CTBP1: variants seen among roughly 807,000 people sequenced by gnomAD.
The protein encoded by CTBP1 is C-terminal binding protein 1.
In CTBP1, 11 loss-of-function variants were observed where a neutral mutation model predicts 42.1. The ratio of observed to expected loss-of-function variants is 0.26; its 90% CI spans 0.16 to 0.43. CTBP1 has a LOEUF of 0.43. Ranked by LOEUF, CTBP1 falls within the 20% of genes least tolerant of loss-of-function variation. The probability of loss-of-function intolerance (pLI) is 1.00; values close to 1 mark genes in which losing one functional copy is unlikely to be tolerated. For synonymous variants in CTBP1, 324 were observed against 277.1 expected (o/e 1.17, Z -1.68); for missense variants, 399 against 624.3 (o/e 0.64, Z 3.85).
At chr4:1,217,750 T>G (rs1365515528) in intron 5 of CTBP1, 2 of 152,218 alleles carry the variant, frequency 1.3e-5, no homozygotes, top group Non-Finnish European at 2.9e-5. Context: ...GATAAGAAAT[T>G]ATGATGATGC....
chr4:1,228,532 C>G (rs1478521498), intron 3 of CTBP1, among the ~76,000 whole-genome samples, 189 bp from the exon 4 acceptor site: 1 of 152,244 alleles, frequency 6.6e-6, no homozygotes, highest in Admixed American at 6.5e-5. Context: ...AACCTCTGCC[C>G]AGGCGTCCTG....
intron 1 of CTBP1, chr4:1,242,553 C>T (rs77001529): frequency 0.056 from 54,778 of 985,410 alleles, 1,698 homozygotes; most frequent in Middle Eastern, 0.082. Flanking sequence ...GCATACATGC[C>T]GACCATCTCC....
chr4:1,225,252 A>AC, intron 5 of CTBP1, 108 bp downstream of exon 5: 1 of 1,317,508 alleles, frequency 7.6e-7, no homozygotes, highest in Non-Finnish European at 1.0e-6. Context: ...TGGGACCGAC[A>AC]CCTGCAGCAG....
upstream of CTBP1, chr4:1,250,098 T>G: frequency 6.1e-6 from 1 of 163,378 alleles, no homozygotes; most frequent in Non-Finnish European, 1.4e-5. Flanking sequence ...CCGAGATAGT[T>G]GCATAATTTC....
chr4:1,249,696 T>C (rs2108819103), upstream of CTBP1: 1 of 407,236 alleles, frequency 2.5e-6, no homozygotes, highest in Non-Finnish European at 4.9e-6. Flanking sequence ...GAAGCGCGCC[T>C]GCCCCAGTGC....
chr4:1,240,213 C>T (rs1347612135), intron 2 of CTBP1, among the ~76,000 whole-genome samples: 1 of 139,576 alleles, frequency 7.2e-6, no homozygotes, highest in East Asian at 2.2e-4. Context: ...GAGTGGGAAC[C>T]GGGTCCCTCG....
chr4:1,225,603 G>C (rs918252927), intron 4 of CTBP1, 37 bp from the exon 5 acceptor site: 1 of 1,521,544 alleles, frequency 6.6e-7, no homozygotes, highest in African/African-American at 1.4e-5. Context: ...CCCCCGGGCC[G>C]GGCCCAGCCT....
chr4:1,239,965 G>A (rs1252116322), intron 2 of CTBP1, among the ~76,000 whole-genome samples: 3 of 152,262 alleles, frequency 2.0e-5, no homozygotes, highest in African/African-American at 7.2e-5. Context: ...TCCCCGCTGT[G>A]TGTGGTGGTG....
intron 7 of CTBP1, chr4:1,214,002 T>C (rs1054101542): frequency 4.9e-6 from 2 of 409,488 alleles, no homozygotes; most frequent in South Asian, 7.6e-5. Context: ...CAAGGTGCTG[T>C]AGGGGCTGCA....
At chr4:1,216,352 G>A (rs1208740591) in intron 5 of CTBP1, 147 bp from the exon 6 acceptor site, 15 of 780,706 alleles carry the variant, frequency 1.9e-5, no homozygotes, top group Admixed American at 1.6e-4. Context: ...AGGTGCCCAC[G>A]CACGCTCCAC....
intron 5 of CTBP1, 39 bp from the exon 6 acceptor site, chr4:1,216,244 C>T: frequency 1.3e-6 from 2 of 1,574,586 alleles, no homozygotes; most frequent in Non-Finnish European, 1.7e-6. Context: ...CCTTGCTCAC[C>T]CGTGGCCGGG....
chr4:1,241,815 T>C (rs1205689824), intron 1 of CTBP1: 2 of 1,172,046 alleles, frequency 1.7e-6, no homozygotes, highest in Non-Finnish European at 2.1e-6. Context: ...CCACAGGCTC[T>C]AGCCGCATCC....
chr4:1,247,213 A>G (rs1164632547), intron 1 of CTBP1, among the ~76,000 whole-genome samples: 1 of 152,258 alleles, frequency 6.6e-6, no homozygotes, highest in East Asian at 1.9e-4. Context: ...GACAGGAAGA[A>G]GTGCATGTTG....
At chr4:1,214,245 G>C (rs573576663) in intron 7 of CTBP1, 98 bp downstream of exon 7, 1 of 1,391,876 alleles carries the variant, frequency 7.2e-7, no homozygotes, top group East Asian at 2.9e-5. Context: ...CCTGAGTACA[G>C]GCAAGTGTCC....
chr4:1,223,803 G>A (rs539762476), intron 5 of CTBP1, among the ~76,000 whole-genome samples: 127 of 152,200 alleles, frequency 8.3e-4, no homozygotes, highest in African/African-American at 2.9e-3. Context: ...CTACTCCCAG[G>A]ATCTCACACA....
chr4:1,225,337 G>A, intron 5 of CTBP1, 23 bp downstream of exon 5: 2 of 1,533,348 alleles, frequency 1.3e-6, no homozygotes, highest in South Asian at 1.2e-5. Context: ...AGGGACACAG[G>A]CGTGGAGCTG....
intron 1 of CTBP1, chr4:1,248,633 C>T: frequency 1.0e-6 from 1 of 975,358 alleles, no homozygotes; most frequent in Non-Finnish European, 1.2e-6. Flanking sequence ...CGGGGCAGCC[C>T]AGAGGCCCAC....
intron 5 of CTBP1, chr4:1,216,550 CCAACA>C (rs1276485820): frequency 4.6e-6 from 2 of 435,604 alleles, no homozygotes; most frequent in Non-Finnish European, 4.2e-6. Context: ...CTCCACCCAC[CCAACA>C]CATGTCCTCC....
At position 1,238,153 on chromosome 4, in the gene CTBP1, T is replaced by C. The variant is rs780417613; in HGVS notation, c.162+30A>G. 5.4e-5 allele frequency: 87 copies of C among 1,612,254 alleles called. No individual in the cohort carries two copies. Among genetic ancestry groups the C allele is most frequent in the Non-Finnish European group, 6.4e-5 (76 of 1,179,524 alleles). ...TCCAACTCCCCCCAACGTGCGGTTC[T>C]GCCAGCCCCAGGCGACCACGTGGTG... On this transcript the variant is annotated intron_variant, in intron 3 of 9. Transcript: ENST00000382952. The surrounding 1 kb of genome is among the most constrained non-coding windows in gnomAD (Gnocchi z 5.9).
Sources: gnomAD v4.1 joint callset for allele counts (sites outside exome capture counted in the v4.1 genomes callset) on GRCh38, gnomAD v4.1.1 for gene constraint, Gnocchi (gnomAD v3.1) non-coding constraint, MANE v1.5 for transcripts, NCBI Gene and HGNC (gene_info 2026-07-23, HGNC 2026-07-21) for gene names.